The following ZNF438 variants were observed in gnomAD, a reference collection of about 807,000 sequenced individuals.
ZNF438 encodes zinc finger protein 438.
In ZNF438, 25 loss-of-function variants were observed where a neutral mutation model predicts 38.0. The ratio of observed to expected loss-of-function variants is 0.66; its 90% CI spans 0.48 to 0.92. The LOEUF is 0.92. ZNF438 is among the 40% of genes least tolerant of loss of function. The pLI, the probability that ZNF438 is intolerant of heterozygous loss-of-function variation, is 0.00. For missense variants in ZNF438, 1,007 were observed against 999.6 expected, an observed-to-expected ratio of 1.01 and a Z score of -0.10; for synonymous variants, 372 against 364.1, an observed-to-expected ratio of 1.02 and a Z score of -0.25.
intron 3 of ZNF438, among the ~76,000 whole-genome samples, chr10:30,880,865 T>C (rs1008151877): frequency 6.6e-6 from 1 of 152,016 alleles, no homozygotes; most frequent in Non-Finnish European, 1.5e-5. Flanking sequence ...CATCTTAATG[T>C]TATAAAAGAA....
chr10:30,852,356 G>A (rs545566412), intron 4 of ZNF438, among the ~76,000 whole-genome samples: 2 of 151,976 alleles, frequency 1.3e-5, no homozygotes, highest in East Asian at 3.9e-4. Flanking sequence ...TTACAGGCAT[G>A]TGCCACCACA....
intron 1 of ZNF438, among the ~76,000 whole-genome samples, chr10:30,949,630 A>G (rs2047915231): frequency 6.6e-6 from 1 of 152,234 alleles, no homozygotes; most frequent in Non-Finnish European, 1.5e-5. Context: ...ACTTTAAACC[A>G]ACAAAGATCA....
At chr10:31,006,383 G>GCC (rs142814512) in intron 1 of ZNF438, among the ~76,000 whole-genome samples, 4,077 of 152,226 alleles carry the variant, frequency 0.027, 73 homozygotes, top group Middle Eastern at 0.037. Flanking sequence ...AAAAGGGCAG[G>GCC]GTTTGGAGAG....
intron 3 of ZNF438, among the ~76,000 whole-genome samples, chr10:30,897,002 T>G (rs1044943518): frequency 6.6e-6 from 1 of 152,212 alleles, no homozygotes; most frequent in Non-Finnish European, 1.5e-5. Flanking sequence ...AAGCCAGGCA[T>G]GTGCTCAACT....
At chr10:30,973,783 T>C (rs1010748886) in intron 1 of ZNF438, among the ~76,000 whole-genome samples, 5 of 152,304 alleles carry the variant, frequency 3.3e-5, no homozygotes, top group African/African-American at 1.2e-4. Context: ...ACAAAGTCTT[T>C]CTTCAAAAAG....
At chr10:30,953,916 G>C (rs1173920431) in intron 1 of ZNF438, among the ~76,000 whole-genome samples, 2 of 152,186 alleles carry the variant, frequency 1.3e-5, no homozygotes, top group Non-Finnish European at 2.9e-5. Flanking sequence ...GGCCAATGCG[G>C]ATGGATCATG....
chr10:30,919,781 C>T (rs1190625708), intron 2 of ZNF438: 2 of 152,042 alleles, frequency 1.3e-5, no homozygotes, highest in Admixed American at 1.3e-4. Flanking sequence ...GCCACCATGC[C>T]CGGCTAATTT....
Position 30,963,871 on chromosome 10 carries a change from CA to C in ZNF438, c.-191-22221del, listed in dbSNP as rs1278410768. Among the ~76,000 whole-genome samples the C allele has an allele frequency of 4.4e-3, 632 of 142,636 alleles. 4 individuals are homozygous for C. Among genetic ancestry groups the C allele is most frequent in the African/African-American group, 0.014 (539 of 39,288 alleles). The allele number at this position is 142,636 out of a possible 152,430, so 93.6% of individuals were successfully genotyped here. A position where few individuals can be genotyped will look rare whatever the true frequency, so the allele number is the denominator to read the frequency against. ...TGGGTGACATAGTGAGACTCCATCTCAAAAAAAAAAAAATTTTTTTTGCCAA... is the reference window on the plus strand; with the variant it reads ...TGGGTGACATAGTGAGACTCCATCTCAAAAAAAAAAAATTTTTTTTGCCAA... On this transcript the variant is annotated intron_variant, in intron 1 of 5. Coordinates refer to ENST00000413025, the Ensembl canonical transcript of ZNF438.
intron 1 of ZNF438, among the ~76,000 whole-genome samples, chr10:31,014,111 T>G (rs2055975587): frequency 6.6e-6 from 1 of 152,236 alleles, no homozygotes; most frequent in Non-Finnish European, 1.5e-5. Context: ...CTTGGTGTCC[T>G]TTCCACTTTT....
intron 1 of ZNF438, among the ~76,000 whole-genome samples, chr10:31,003,922 A>C (rs1443559553): frequency 6.6e-6 from 1 of 152,228 alleles, no homozygotes; most frequent in Non-Finnish European, 1.5e-5. Context: ...GGGAGAGCAT[A>C]TATGGAAGAA....
rs142548802 is a variant in ZNF438, at chr10:31,001,198, T to G, written c.-192+30635A>C. On this transcript the variant is annotated intron_variant, in intron 1 of 5. Transcript: ENST00000413025. ...ATTCTGTATTTCAGTCATTGGCAGA[T>G]GGTAGATACTCAAAAAATGTTTTAA... Among the ~76,000 whole-genome samples, 7 of 152,348 alleles carry G rather than the reference T, an allele frequency of 4.6e-5. No individual in the cohort carries two copies. The East Asian group carries it at 1.3e-3, about 29-fold the overall frequency.
intron 2 of ZNF438, among the ~76,000 whole-genome samples, chr10:30,930,016 G>A (rs563351100): frequency 6.6e-4 from 101 of 152,336 alleles, no homozygotes; most frequent in East Asian, 7.7e-4. Flanking sequence ...TGGATCCCTC[G>A]CCAGGGCCGC....
At chr10:30,923,097 T>C (rs2044506479) in intron 2 of ZNF438, among the ~76,000 whole-genome samples, 1 of 152,206 alleles carries the variant, frequency 6.6e-6, no homozygotes. Flanking sequence ...CTACAAATGA[T>C]GGCATAATTG....
intron 1 of ZNF438, among the ~76,000 whole-genome samples, chr10:31,020,243 T>C (rs1471610213): frequency 6.6e-6 from 1 of 152,130 alleles, no homozygotes; most frequent in South Asian, 2.1e-4. Flanking sequence ...AAGGGTGAGA[T>C]TGTAGTTTAG....
At chr10:31,001,036 C>G (rs572780607) in intron 1 of ZNF438, among the ~76,000 whole-genome samples, 1 of 152,172 alleles carries the variant, frequency 6.6e-6, no homozygotes, top group East Asian at 1.9e-4. Context: ...CTCACCAGCC[C>G]TCTTAAGAAA....
At chr10:31,027,240 A>C (rs1463964288) in intron 1 of ZNF438, among the ~76,000 whole-genome samples, 10 of 152,188 alleles carry the variant, frequency 6.6e-5, no homozygotes, top group Non-Finnish European at 4.4e-5. Context: ...TTAAAGTATA[A>C]TTTAAAAAAT....
exon 5 of ZNF438, chr10:30,849,652 A>T (rs1437075650): frequency 6.2e-7 from 1 of 1,614,192 alleles, no homozygotes; most frequent in Non-Finnish European, 8.5e-7. Context: ...CAACAGCAGA[A>T]GGTTTACTAG....
exon 3 of ZNF438, chr10:30,909,001 C>G (rs1266882624): frequency 6.6e-6 from 1 of 152,076 alleles, no homozygotes; most frequent in East Asian, 1.9e-4. Context: ...GATGTGCGTA[C>G]TTTCTTCAAC....
At chr10:30,977,745 G>A (rs1263146108) in intron 1 of ZNF438, among the ~76,000 whole-genome samples, 1 of 152,132 alleles carries the variant, frequency 6.6e-6, no homozygotes, top group Non-Finnish European at 1.5e-5. Context: ...AACACTTTGG[G>A]AGGCCGAGGC....
Sources: gnomAD v4.1 joint callset for allele counts (sites outside exome capture counted in the v4.1 genomes callset) on GRCh38, gnomAD v4.1.1 for gene constraint, MANE v1.5 for transcripts, NCBI Gene and HGNC (gene_info 2026-07-23, HGNC 2026-07-21) for gene names.